The following PSMA1 variants were observed in gnomAD, a reference collection of about 807,000 sequenced individuals.
PSMA1 encodes the protein proteasome subunit alpha type-1.
A neutral mutation model predicts 38.4 loss-of-function variants in PSMA1; 3 were observed. That is an observed-to-expected ratio of 0.08 (90% CI 0.04 to 0.20). PSMA1 has a LOEUF of 0.20. PSMA1 is among the 10% of genes least tolerant of loss of function. PSMA1 has a pLI of 1.00. For missense variants in PSMA1, 227 were observed against 325.3 expected (o/e 0.70, Z 2.32); for synonymous variants, 101 against 107.1 (o/e 0.94, Z 0.35).
At chr11:14,586,581 G>A (rs1454604066) in intron 2 of PSMA1, among the ~76,000 whole-genome samples, 1 of 152,022 alleles carries the variant, frequency 6.6e-6, no homozygotes, top group African/African-American at 2.4e-5. Flanking sequence ...CATTTAAAAA[G>A]AATGAATAGT....
chr11:14,510,935 T>C lies in PSMA1; in HGVS notation c.561A>G (p.Leu187=), dbSNP rs143579009. 27 of 1,598,962 alleles carry C rather than the reference T, an allele frequency of 1.7e-5. No homozygotes were observed. Among genetic ancestry groups the C allele is most frequent in the Non-Finnish European group, 2.1e-5 (25 of 1,170,994 alleles). Residue 187 remains leucine (L), a synonymous_variant, in exon 8 of 10, where the codon CTA becomes CTG. Transcript: ENST00000396394. ...TTAAGGCACGCAGACCATGTTTAAC[T>C]AGTTCATTTAAATTACCTATATGTA... ...SEFMECNLNE[L]VKHGLRALRE... is the part of the protein sequence containing the mutation.
rs549559072 is a variant in PSMA1 at position 14,536,383 on chromosome 11, C to T, written c.22-17342G>A. ...CTTTACTAAAAATACAAACATTAGCCGGGCTTGGTGGTGAGCGCCTGTAAT... is the reference window on the plus strand; with the variant it reads ...CTTTACTAAAAATACAAACATTAGCTGGGCTTGGTGGTGAGCGCCTGTAAT... On this transcript the variant is annotated intron_variant, in intron 2 of 10. Coordinates refer to the PSMA1 transcript ENST00000418988. Among the ~76,000 whole-genome samples, 523 of 151,814 alleles carry T rather than the reference C, an allele frequency of 3.4e-3. 1 individual carries two copies. The highest frequency in any genetic ancestry group is 6.4e-3 in the African/African-American group (267 of 41,470).
chr11:14,550,850 T>C (rs767201111), intron 2 of PSMA1, among the ~76,000 whole-genome samples: 1 of 152,172 alleles, frequency 6.6e-6, no homozygotes, highest in East Asian at 1.9e-4. Flanking sequence ...CACATATATA[T>C]GTGAGGAATT....
At chr11:14,611,649 T>C (rs1852709912) in intron 1 of PSMA1, among the ~76,000 whole-genome samples, 1 of 152,120 alleles carries the variant, frequency 6.6e-6, no homozygotes, top group Non-Finnish European at 1.5e-5. Context: ...TACAATTAGG[T>C]CAGGTGTGCA....
intron 2 of PSMA1, among the ~76,000 whole-genome samples, chr11:14,570,857 C>A (rs1243284996): frequency 6.6e-6 from 1 of 152,126 alleles, no homozygotes; most frequent in Non-Finnish European, 1.5e-5. Flanking sequence ...CAGAGACCAC[C>A]ACAAAGATAC....
chr11:14,578,560 G>C (rs1472410424), intron 2 of PSMA1, among the ~76,000 whole-genome samples: 1 of 152,196 alleles, frequency 6.6e-6, no homozygotes, highest in Non-Finnish European at 1.5e-5. Context: ...TAATATGATG[G>C]CTTCTACTAT....
At chr11:14,602,832 A>G (rs1852600410) in intron 2 of PSMA1, among the ~76,000 whole-genome samples, 1 of 152,232 alleles carries the variant, frequency 6.6e-6, no homozygotes. Context: ...GTGTGGGCTC[A>G]GCAGACCTGG....
intron 2 of PSMA1, among the ~76,000 whole-genome samples, chr11:14,593,269 G>C (rs190511386): frequency 6.6e-6 from 1 of 152,180 alleles, no homozygotes; most frequent in African/African-American, 2.4e-5. Context: ...GTTAGTTTAC[G>C]TAACTGAAGA....
At chr11:14,508,858 A>G (rs957983306) in intron 8 of PSMA1, among the ~76,000 whole-genome samples, 1 of 152,194 alleles carries the variant, frequency 6.6e-6, no homozygotes, top group East Asian at 1.9e-4. Context: ...TTTGCCTCCA[A>G]AGATGCCTCA....
Position 14,517,756 on chromosome 11 carries a change from A to T in PSMA1, c.151-11T>A. The T allele has an allele frequency of 6.5e-7, 1 of 1,548,390 alleles. No individual in the cohort carries two copies. On this transcript the variant is annotated splice_polypyrimidine_tract_variant and intron_variant, in intron 3 of 9. Coordinates refer to ENST00000396394, the MANE Select transcript of PSMA1 (RefSeq NM_002786.4). ...CTCTGATTGCGCCCTCTAAATAGAGACATTATAAGATGTAAAAAAAAAAAA... is the reference window on the plus strand; with the variant it reads ...CTCTGATTGCGCCCTCTAAATAGAGTCATTATAAGATGTAAAAAAAAAAAA...
intron 7 of PSMA1, 183 bp downstream of exon 7, chr11:14,513,387 G>A: frequency 1.7e-6 from 1 of 597,592 alleles, no homozygotes. Flanking sequence ...AACTACTGTG[G>A]TAACCAGAAG....
At chr11:14,532,086 G>C (rs1851653278) in intron 2 of PSMA1, among the ~76,000 whole-genome samples, 1 of 149,002 alleles carries the variant, frequency 6.7e-6, no homozygotes, top group African/African-American at 2.5e-5. Flanking sequence ...TTTTTTTCAG[G>C]GTACAGGAGT....
intron 2 of PSMA1, among the ~76,000 whole-genome samples, chr11:14,589,187 C>T (rs1042037879): frequency 6.6e-6 from 1 of 152,142 alleles, no homozygotes; most frequent in Non-Finnish European, 1.5e-5. Flanking sequence ...ATCCCTGCAT[C>T]CCTATTTAAA....
chr11:14,626,904 G>A (rs547284163), intron 1 of PSMA1, among the ~76,000 whole-genome samples: 2 of 152,290 alleles, frequency 1.3e-5, no homozygotes, highest in South Asian at 4.1e-4. Context: ...AGATTGGGTA[G>A]CTTAAACAAC....
At chr11:14,522,621 T>G (rs2134154496), upstream of PSMA1, among the ~76,000 whole-genome samples, 1 of 152,300 alleles carries the variant, frequency 6.6e-6, no homozygotes, top group East Asian at 1.9e-4. Flanking sequence ...TTTTTATTAC[T>G]AGTAAAAAAA....
At chr11:14,581,045 G>A (rs1043146553) in intron 2 of PSMA1, among the ~76,000 whole-genome samples, 1 of 152,174 alleles carries the variant, frequency 6.6e-6, no homozygotes, top group Non-Finnish European at 1.5e-5. Context: ...GAGGGAAAGA[G>A]GACAAAGGGA....
intron 1 of PSMA1, chr11:14,611,259 G>C: frequency 2.3e-6 from 1 of 435,820 alleles, no homozygotes; most frequent in Non-Finnish European, 4.1e-6. Context: ...TCTCCTGGGG[G>C]TAAGTAGATA....
intron 1 of PSMA1, among the ~76,000 whole-genome samples, chr11:14,621,988 C>T (rs1049544621): frequency 2.6e-5 from 4 of 152,116 alleles, no homozygotes; most frequent in African/African-American, 9.7e-5. Context: ...GCTAAATCAA[C>T]CTGTTAGTAG....
intron 2 of PSMA1, among the ~76,000 whole-genome samples, chr11:14,574,357 G>T (rs551769616): frequency 6.6e-6 from 1 of 152,294 alleles, no homozygotes; most frequent in South Asian, 2.1e-4. Context: ...GTGGCTCAAA[G>T]TTACCCAGGT....
Sources: allele counts gnomAD v4.1 joint callset (sites outside exome capture counted in the v4.1 genomes callset), GRCh38; gene constraint gnomAD v4.1.1; transcripts MANE v1.5; gene names NCBI Gene and HGNC (gene_info 2026-07-23, HGNC 2026-07-21).